The following STAU2 variants were observed in gnomAD, a reference collection of about 807,000 sequenced individuals.
The protein encoded by STAU2 is double-stranded RNA-binding protein Staufen homolog 2.
In STAU2, 20 loss-of-function variants were observed where a neutral mutation model predicts 65.9. That is an observed-to-expected ratio of 0.30 (90% CI 0.21 to 0.44). The LOEUF (loss-of-function observed/expected upper bound fraction) is 0.44, where lower values mean the gene tolerates loss of function less well. Among genes scored for constraint, STAU2 ranks in the 20% least tolerant of loss-of-function variants. STAU2 has a pLI of 1.00. For missense variants in STAU2, 558 were observed against 683.9 expected, an observed-to-expected ratio of 0.82 and a Z score of 2.05; for synonymous variants, 232 against 233.9, an observed-to-expected ratio of 0.99 and a Z score of 0.07.
intron 13 of STAU2, among the ~76,000 whole-genome samples, chr8:73,470,183 T>C (rs1187069062): frequency 1.3e-5 from 2 of 152,236 alleles, no homozygotes; most frequent in Admixed American, 6.5e-5. Context: ...GATTAGGTTG[T>C]TGGCCAGCTT....
intron 12 of STAU2, among the ~76,000 whole-genome samples, chr8:73,570,584 C>T (rs748089144): frequency 1.3e-5 from 2 of 152,216 alleles, no homozygotes; most frequent in Non-Finnish European, 2.9e-5. Context: ...CATTCAAATT[C>T]AGGAAATACA....
chr8:73,551,905 G>A (rs1807358343), intron 13 of STAU2, 107 bp downstream of exon 13: 2 of 1,387,564 alleles, frequency 1.4e-6, no homozygotes, highest in Admixed American at 5.7e-5. Flanking sequence ...AACGTAAGTG[G>A]CATGTAGGCC....
intron 3 of STAU2, among the ~76,000 whole-genome samples, chr8:73,730,658 C>A (rs1366042961): frequency 1.4e-5 from 2 of 140,442 alleles, no homozygotes; most frequent in Non-Finnish European, 3.0e-5. Flanking sequence ...ACCCCGGAGG[C>A]AGAGGTTGCG....
rs191611615 is a variant in STAU2, at chr8:73,660,384, G to A, written c.410+12723C>T. ...GCGAAGGCTGCAGTGAGCTGAGATC[G>A]CATCATTGCACTCCAGCCTGGGTGA... On this transcript the variant is annotated intron_variant, in intron 6 of 14. Transcript: ENST00000524300. 8.5e-4 allele frequency among the ~76,000 whole-genome samples: 129 copies of A among 152,266 alleles called. 1 individual carries two copies. Among genetic ancestry groups the A allele is most frequent in the African/African-American group, 2.9e-3 (122 of 41,550 alleles).
chr8:73,712,545 A>G (rs1820974884), intron 3 of STAU2, among the ~76,000 whole-genome samples: 1 of 152,234 alleles, frequency 6.6e-6, no homozygotes, highest in Non-Finnish European at 1.5e-5. Context: ...AAACAATTAC[A>G]CTATCATCAA....
chr8:73,588,697 CTA>C (rs779980302), intron 11 of STAU2, among the ~76,000 whole-genome samples: 2 of 152,038 alleles, frequency 1.3e-5, no homozygotes, highest in African/African-American at 2.4e-5. Flanking sequence ...AAAGCAAAAG[CTA>C]TATGCTCCTG....
chr8:73,581,352 G>A (rs145406126), intron 12 of STAU2, among the ~76,000 whole-genome samples: 9 of 152,074 alleles, frequency 5.9e-5, no homozygotes, highest in African/African-American at 2.2e-4. Flanking sequence ...TATATTCTTG[G>A]TCACCATATG....
intron 1 of STAU2, among the ~76,000 whole-genome samples, chr8:73,746,482 T>C (rs1807292852): frequency 6.9e-6 from 1 of 145,360 alleles, no homozygotes; most frequent in African/African-American, 2.6e-5. Flanking sequence ...CCTCCTCGCC[T>C]TCCTCCCGGC....
At chr8:73,481,012 A>G (rs1457855259) in intron 13 of STAU2, among the ~76,000 whole-genome samples, 1 of 152,180 alleles carries the variant, frequency 6.6e-6, no homozygotes, top group East Asian at 1.9e-4. Flanking sequence ...CACATATAAA[A>G]GAATACATAT....
chr8:73,745,443 T>C (rs1011109308), intron 1 of STAU2, among the ~76,000 whole-genome samples: 7 of 152,166 alleles, frequency 4.6e-5, no homozygotes, highest in African/African-American at 1.7e-4. Flanking sequence ...TGTTGAAATC[T>C]TTTCTCCTCC....
Position 73,421,241 on chromosome 8 carries a change from G to GT in STAU2, c.*130dup, listed in dbSNP as rs1816351919. Reference sequence around the variant, plus strand: ...CAGTACCATGTATATTATCTCTCGTGTTAGAATAGTGTTGTCTTCACATAA... The same window carrying GT: ...CAGTACCATGTATATTATCTCTCGTGTTTAGAATAGTGTTGTCTTCACATAA... On this transcript the variant is annotated 3_prime_UTR_variant, in exon 15 of 15. Coordinates refer to ENST00000524300, the MANE Select transcript of STAU2 (RefSeq NM_001164380.2). 1 of 748,936 alleles carries GT rather than the reference G, an allele frequency of 1.3e-6. No homozygotes were observed. Among genetic ancestry groups the GT allele is most frequent in the Admixed American group, 2.4e-5 (1 of 41,242 alleles). 46.4% of individuals were successfully genotyped at this position (748,936 alleles called of 1,614,324 possible). A position where few individuals can be genotyped will look rare whatever the true frequency, so the allele number is the denominator to read the frequency against.
At chr8:73,582,895 G>C in intron 11 of STAU2, 65 bp from the exon 12 acceptor site, 1 of 1,384,094 alleles carries the variant, frequency 7.2e-7, no homozygotes, top group Non-Finnish European at 1.0e-6. Flanking sequence ...AAAAAAAAAA[G>C]GTGACCAATT....
At chr8:73,746,940 C>A (rs1807335814), upstream of STAU2, 2 of 906,550 alleles carry the variant, frequency 2.2e-6, no homozygotes, top group South Asian at 4.9e-5. Context: ...CGCGCCCTCC[C>A]GCGCTCGCGC....
chr8:73,549,714 G>C (rs1807184339), intron 13 of STAU2: 1 of 985,502 alleles, frequency 1.0e-6, no homozygotes, highest in Non-Finnish European at 1.2e-6. Flanking sequence ...CCAAAGAAGG[G>C]TTTACACAAT....
chr8:73,511,514 T>G (rs1028950677), intron 13 of STAU2: 1 of 152,720 alleles, frequency 6.5e-6, no homozygotes, highest in Non-Finnish European at 1.5e-5. Context: ...CAAAGAGTTG[T>G]GTGGCCTTGG....
rs543739505 is a variant in STAU2 at position 73,575,002 on chromosome 8, C to G, written c.1222+7768G>C. On this transcript the variant is annotated intron_variant, in intron 12 of 14. Coordinates refer to ENST00000524300, the MANE Select transcript of STAU2 (RefSeq NM_001164380.2). The stretch of plus-strand genomic sequence containing the variant: ...ATTTATTATACCCAACTTACACATG[C>G]TATAAAAGAAAAGACTATTTTAAAA... 6.6e-5 allele frequency among the ~76,000 whole-genome samples: 10 copies of G among 151,018 alleles called. 1 individual carries two copies. The South Asian group carries it at 2.1e-3, about 32-fold the overall frequency.
intron 12 of STAU2, among the ~76,000 whole-genome samples, chr8:73,557,020 TTTTAG>T (rs145623138): frequency 0.31 from 46,826 of 151,848 alleles, 7,418 homozygotes; most frequent in Non-Finnish European, 0.33. Flanking sequence ...ATTATATATA[TTTTAG>T]TTTAAAGAAT....
intron 5 of STAU2, among the ~76,000 whole-genome samples, chr8:73,680,162 G>A: frequency 7.4e-6 from 1 of 134,690 alleles, no homozygotes; most frequent in African/African-American, 2.7e-5. Flanking sequence ...GGTGGGAATA[G>A]GGGGCCGGCG....
At chr8:73,459,420 T>G (rs948970289) in intron 13 of STAU2, among the ~76,000 whole-genome samples, 3 of 152,218 alleles carry the variant, frequency 2.0e-5, no homozygotes, top group Non-Finnish European at 4.4e-5. Context: ...ATTTTCCATA[T>G]AGAAATCAGA....
Sources: gnomAD v4.1 joint callset for allele counts (sites outside exome capture counted in the v4.1 genomes callset) on GRCh38, gnomAD v4.1.1 for gene constraint, MANE v1.5 for transcripts, NCBI Gene and HGNC (gene_info 2026-07-23, HGNC 2026-07-21) for gene names.